PHRF1: variants seen among roughly 807,000 people sequenced by gnomAD.
PHRF1 encodes the protein PHD and ring finger domains 1.
PHRF1 carries 53 observed loss-of-function variants against 128.9 expected under a neutral mutation model. The ratio of observed to expected loss-of-function variants is 0.41; its 90% CI spans 0.33 to 0.52. PHRF1 has a LOEUF of 0.52. PHRF1 is among the 20% of genes least tolerant of loss of function. The pLI is 0.21. For missense variants in PHRF1, 2,503 were observed against 2,284.5 expected (o/e 1.10, Z -1.95); for synonymous variants, 1,178 against 980.6 (o/e 1.20, Z -3.76).
rs1413822810 is a variant in PHRF1 at position 611,807 on chromosome 11, A to T, written c.*30A>T. On this transcript the variant is annotated 3_prime_UTR_variant, in exon 18 of 18. Coordinates refer to ENST00000264555, the MANE Select transcript of PHRF1 (RefSeq NM_001286581.2). ...AGGCAATCACGGGCTATGCCCGGGG[A>T]GCTGTCGGGAGTGGCGGGAATCGGG... The T allele has an allele frequency of 3.2e-6, 5 of 1,569,648 alleles. No homozygotes were observed. The highest frequency in any genetic ancestry group is 4.3e-6 in the Non-Finnish European group (5 of 1,160,034).
Position 597,771 on chromosome 11 carries a change from C to G in PHRF1, c.894+201C>G, listed in dbSNP as rs1364751309. ...GGCCCAAGGTGGGGCTGCCTCTGAG[C>G]ACCTGGAGCCAGGTATTGAGGGGCA... On this transcript the variant is annotated intron_variant, in intron 8 of 17. Coordinates refer to ENST00000264555, the MANE Select transcript of PHRF1 (RefSeq NM_001286581.2). This position sits in a 1 kb window ranked among gnomAD's most constrained non-coding sequence, Gnocchi z 6.5. Among the ~76,000 whole-genome samples the G allele has an allele frequency of 6.6e-6, 1 of 152,144 alleles. No homozygotes were observed. The highest frequency in any genetic ancestry group is 1.5e-5 in the Non-Finnish European group (1 of 68,000).
intron 9 of PHRF1, among the ~76,000 whole-genome samples, chr11:599,163 C>T (rs1460948130): frequency 1.3e-5 from 2 of 151,806 alleles, no homozygotes; most frequent in Admixed American, 6.6e-5. Context: ...GACGCATGGA[C>T]TCCTGCTTTA....
At chr11:603,521 G>C (rs1406731865) in intron 10 of PHRF1, among the ~76,000 whole-genome samples, 1 of 151,952 alleles carries the variant, frequency 6.6e-6, no homozygotes, top group African/African-American at 2.4e-5. Flanking sequence ...TTTTGGTGGA[G>C]ACGGGGTCTC....
rs1589910363 is a variant in PHRF1, at chr11:610,781, A to G, written c.4677+20A>G. On this transcript the variant is annotated intron_variant, in intron 16 of 17. Transcript: ENST00000264555. The stretch of plus-strand genomic sequence containing the variant: ...GAGGAGGTGAGTCCTGCCTCCTCCC[A>G]CTTTCCCCATGTTCCCATCTTACTT... 3.1e-6 allele frequency: 5 copies of G among 1,596,782 alleles called. No individual in the cohort carries two copies. Among genetic ancestry groups the G allele is most frequent in the African/African-American group, 2.7e-5 (2 of 74,934 alleles).
At chr11:593,801 C>T (rs1365339574) in intron 6 of PHRF1, among the ~76,000 whole-genome samples, 3 of 152,170 alleles carry the variant, frequency 2.0e-5, no homozygotes, top group Non-Finnish European at 2.9e-5. Context: ...TCCCAGCAGC[C>T]GGGAGATAGC....
At chr11:592,090 T>C (rs1027376727) in intron 5 of PHRF1, among the ~76,000 whole-genome samples, 9 of 152,116 alleles carry the variant, frequency 5.9e-5, no homozygotes, top group Non-Finnish European at 1.2e-4. Flanking sequence ...TAATTTTTTG[T>C]ATTTTTAGTA....
chr11:603,222 G>A (rs1415027458), intron 10 of PHRF1, among the ~76,000 whole-genome samples: 1 of 151,912 alleles, frequency 6.6e-6, no homozygotes, highest in Non-Finnish European at 1.5e-5. Flanking sequence ...TGCCCGGCTA[G>A]TTTTTGTATT....
chr11:608,222 C>A lies in PHRF1; in HGVS notation c.2766C>A (p.Pro922=). Residue 922 remains proline, a synonymous_variant, in exon 14 of 18, where the codon CCC becomes CCA. Transcript: ENST00000264555. ...EGASDTEREE[P]TESQGLAARL... ...CCTCTGACACGGAGCGAGAGGAGCC[C>A]ACAGAGAGCCAGGGCCTGGCTGCCC... The A allele has an allele frequency of 2.0e-5, 32 of 1,609,668 alleles. No homozygotes were observed. The highest frequency in any genetic ancestry group is 1.7e-4 in the Middle Eastern group (1 of 6,036).
At position 597,126 on chromosome 11, in the gene PHRF1, T is replaced by C. The variant is rs1855328158; in HGVS notation, c.718+106T>C. On this transcript the variant is annotated intron_variant, in intron 7 of 17. Coordinates refer to ENST00000264555, the MANE Select transcript of PHRF1 (RefSeq NM_001286581.2). The surrounding 1 kb of genome is among the most constrained non-coding windows in gnomAD (Gnocchi z 6.5). ...GCTGTGTGGGGAGGACATCTAGGGC[T>C]GTCTCATGGGGGTTAGGGTTGGCTG... 1 of 1,223,634 alleles carries C rather than the reference T, an allele frequency of 8.2e-7. No individual in the cohort carries two copies. Among genetic ancestry groups the C allele is most frequent in the Non-Finnish European group, 1.2e-6 (1 of 864,556 alleles). The allele number at this position is 1,223,634 out of a possible 1,614,324, so 75.8% of individuals were successfully genotyped here.
At chr11:611,467 C>T (rs975263468) in intron 17 of PHRF1, among the ~76,000 whole-genome samples, 167 bp from the exon 18 acceptor site, 10 of 152,174 alleles carry the variant, frequency 6.6e-5, no homozygotes, top group African/African-American at 1.4e-4. Flanking sequence ...GCGAACAGGA[C>T]GGGGGTCTCA....
rs776924224 is a variant in PHRF1 at position 601,561 on chromosome 11, C to T, written c.1025-13C>T. The T allele has an allele frequency of 1.9e-6, 3 of 1,613,520 alleles. No individual in the cohort carries two copies. Among genetic ancestry groups the T allele is most frequent in the Non-Finnish European group, 1.7e-6 (2 of 1,179,860 alleles). On this transcript the variant is annotated splice_polypyrimidine_tract_variant and intron_variant, in intron 9 of 17. Transcript: ENST00000264555. ...AGCACAGAGAAGCACAGACTTCAACCTCTTTTCCTTAGGAAGACGGAAGAA... is the reference window on the plus strand; with the variant it reads ...AGCACAGAGAAGCACAGACTTCAACTTCTTTTCCTTAGGAAGACGGAAGAA...
At chr11:581,686 G>A (rs990095509) in intron 2 of PHRF1, 80 bp downstream of exon 2, 6 of 1,317,744 alleles carry the variant, frequency 4.6e-6, no homozygotes, top group Non-Finnish European at 6.2e-6. Context: ...TCGTCTGTGT[G>A]TGTCACTTGT....
At position 607,497 on chromosome 11, in the gene PHRF1, A is replaced by G. The variant is rs1856025469; in HGVS notation, c.2041A>G (p.Arg681Gly). The G allele has an allele frequency of 3.7e-6, 6 of 1,612,810 alleles. No homozygotes were observed. The highest frequency in any genetic ancestry group is 2.2e-5 in the East Asian group (1 of 44,876). ...PRRTDISELP[R>G]IPKIRRDDGG... Reference sequence around the variant, plus strand: ...AAGAACAGACATCTCTGAGCTACCCAGGATACCAAAGATCAGGAGAGATGA... The same window carrying G: ...AAGAACAGACATCTCTGAGCTACCCGGGATACCAAAGATCAGGAGAGATGA... The change falls in exon 14 of 18, where the codon AGG (arginine) becomes GGG (glycine). Residue 681 changes from arginine to glycine, a missense_variant. Transcript: ENST00000264555.
chr11:598,266 G>A, intron 8 of PHRF1, 107 bp from the exon 9 acceptor site: 1 of 1,400,486 alleles, frequency 7.1e-7, no homozygotes, highest in South Asian at 1.5e-5. Flanking sequence ...AGGCTGTCCT[G>A]CTTCTCTGGC....
rs1379508156 is a variant in PHRF1, at chr11:607,738, C to T, written c.2282C>T (p.Pro761Leu). Reference protein sequence around the residue: ...PAPSSHGSLAPLGPSRGKGVG... With the variant: ...PAPSSHGSLALLGPSRGKGVG... ...CCCAGCTCCCATGGCAGTTTGGCCC[C>T]ACTGGGACCATCAAGAGGGAAAGGG... Residue 761 changes from proline to leucine, a missense_variant, in exon 14 of 18, where the codon CCA (proline) becomes CTA (leucine). By Grantham distance (98) the Pro-to-Leu change is moderately conservative. Transcript: ENST00000264555. The T allele has an allele frequency of 5.0e-6, 8 of 1,612,178 alleles. No homozygotes were observed. In the South Asian group the frequency reaches 7.7e-5, roughly 15 times the overall value.
At chr11:603,932 AC>A in intron 10 of PHRF1, among the ~76,000 whole-genome samples, 1 of 150,894 alleles carries the variant, frequency 6.6e-6, no homozygotes, top group Non-Finnish European at 1.5e-5. Flanking sequence ...TGAACTCCCG[AC>A]CTCAAGTGAT....
chr11:607,389 G>A lies in PHRF1; in HGVS notation c.1933G>A (p.Ala645Thr). ...TNKHTLPLAS[A>T]ASKISSRDSK... ...CAAGCACACCTTGCCCCTTGCCTCT[G>A]CCGCGTCTAAGATCTCAAGCAGAGA... Residue 645 changes from alanine to threonine, a missense_variant, in exon 14 of 18, where the codon GCC (alanine) becomes ACC (threonine). Transcript: ENST00000264555. 6.2e-7 allele frequency: 1 copy of A among 1,612,832 alleles called. No individual in the cohort carries two copies. Among genetic ancestry groups the A allele is most frequent in the Admixed American group, 1.7e-5 (1 of 60,032 alleles).
intron 1 of PHRF1, among the ~76,000 whole-genome samples, chr11:579,238 C>A (rs540381813): frequency 2.7e-5 from 4 of 150,850 alleles, no homozygotes; most frequent in Non-Finnish European, 4.4e-5. Flanking sequence ...CCCTGCTCCT[C>A]CCCCCAGCCC....
chr11:593,567 A>G (rs1589876922), intron 6 of PHRF1, among the ~76,000 whole-genome samples: 1 of 152,234 alleles, frequency 6.6e-6, no homozygotes, highest in African/African-American at 2.4e-5. Context: ...TGTTAGCCAC[A>G]TACCCAGGCC....
Sources: allele counts gnomAD v4.1 joint callset (sites outside exome capture counted in the v4.1 genomes callset), GRCh38; gene constraint gnomAD v4.1.1; non-coding constraint Gnocchi (gnomAD v3.1); transcripts MANE v1.5; gene names NCBI Gene and HGNC (gene_info 2026-07-23, HGNC 2026-07-21).